Variants in CALN1 observed in about 807,000 individuals in gnomAD.
The protein encoded by CALN1 is calneuron 1, also known as calcium-binding protein 8.
Under a neutral mutation model 30.6 loss-of-function variants are expected in CALN1, and 17 were observed. That is an observed-to-expected ratio of 0.56 (90% CI 0.38 to 0.83). The LOEUF (loss-of-function observed/expected upper bound fraction) is 0.83, where lower values mean the gene tolerates loss of function less well. Among genes scored for constraint, CALN1 ranks in the 40% least tolerant of loss-of-function variants. The probability of loss-of-function intolerance (pLI) is 0.00; values close to 1 mark genes in which losing one functional copy is unlikely to be tolerated. For missense variants in CALN1, 291 were observed against 354.9 expected, an observed-to-expected ratio of 0.82 and a Z score of 1.45; for synonymous variants, 156 against 131.4, an observed-to-expected ratio of 1.19 and a Z score of -1.28.
chr7:72,472,531 T>C, the CALN1 span, among the ~76,000 whole-genome samples: 15 of 152,122 alleles, frequency 9.9e-5, no homozygotes, highest in Admixed American at 1.3e-4. Flanking sequence ...ACACCTGTAG[T>C]CCCAGCACTT....
intron 5 of CALN1, among the ~76,000 whole-genome samples, chr7:71,921,172 G>A (rs1454535644): frequency 6.6e-6 from 1 of 152,076 alleles, no homozygotes; most frequent in Non-Finnish European, 1.5e-5. Context: ...TATGGACAGA[G>A]GGAGAGATAC....
At chr7:72,293,684 C>T (rs1171387032) in intron 2 of CALN1, among the ~76,000 whole-genome samples, 1 of 152,118 alleles carries the variant, frequency 6.6e-6, no homozygotes. Flanking sequence ...TTCTGCATTT[C>T]TATGTTGATA....
At chr7:72,347,680 A>T (rs989022026) in intron 2 of CALN1, among the ~76,000 whole-genome samples, 2 of 152,208 alleles carry the variant, frequency 1.3e-5, no homozygotes, top group Non-Finnish European at 2.9e-5. Flanking sequence ...AGCTAGTACA[A>T]CTTACAATCA....
intron 2 of CALN1, among the ~76,000 whole-genome samples, chr7:72,388,804 T>A (rs1313807449): frequency 6.6e-6 from 1 of 152,144 alleles, no homozygotes; most frequent in Non-Finnish European, 1.5e-5. Context: ...TGTCACCCGG[T>A]CGCAGGTGTG....
At chr7:72,040,323 T>C (rs905651889) in intron 4 of CALN1, among the ~76,000 whole-genome samples, 4 of 141,798 alleles carry the variant, frequency 2.8e-5, no homozygotes, top group East Asian at 4.2e-4. Context: ...AAAATTACAA[T>C]AAAAAAAAAA....
rs181223614 is a variant in CALN1, at chr7:71,815,253, C to A, written c.502-4761G>T. On this transcript the variant is annotated intron_variant, in intron 5 of 6. Coordinates refer to ENST00000395275, the MANE Select transcript of CALN1 (RefSeq NM_031468.4). ...ATTTTTGACTGCACGTGGGTCAGTGCCCCTCATCTTTGCTTTGCCTAAGGG... is the reference window on the plus strand; with the variant it reads ...ATTTTTGACTGCACGTGGGTCAGTGACCCTCATCTTTGCTTTGCCTAAGGG... Among the ~76,000 whole-genome samples, 551 of 152,218 alleles carry A rather than the reference C, an allele frequency of 3.6e-3. 4 individuals carry two copies. Among genetic ancestry groups the A allele is most frequent in the African/African-American group, 0.012 (512 of 41,546 alleles).
At chr7:72,337,283 G>A in intron 2 of CALN1, 1 of 985,258 alleles carries the variant, frequency 1.0e-6, no homozygotes, top group Non-Finnish European at 1.2e-6. Flanking sequence ...TTCTGGGCTC[G>A]CCTTGGCCGC....
the CALN1 span, among the ~76,000 whole-genome samples, chr7:72,466,895 AAG>A: frequency 6.6e-6 from 1 of 151,790 alleles, no homozygotes; most frequent in Non-Finnish European, 1.5e-5. Context: ...AGAAAAGAAA[AAG>A]AAAGAGAAAG....
chr7:72,277,507 T>C (rs1797413912), intron 3 of CALN1, among the ~76,000 whole-genome samples: 1 of 152,106 alleles, frequency 6.6e-6, no homozygotes. Flanking sequence ...CCCCAATCAC[T>C]CCACTTCTTC....
chr7:72,286,723 A>C (rs957664711), intron 2 of CALN1, among the ~76,000 whole-genome samples: 1 of 152,208 alleles, frequency 6.6e-6, no homozygotes, highest in African/African-American at 2.4e-5. Context: ...GACAGATCTC[A>C]AATCAGACAA....
chr7:72,358,689 A>C (rs1803383883), intron 2 of CALN1, among the ~76,000 whole-genome samples: 1 of 152,110 alleles, frequency 6.6e-6, no homozygotes, highest in Non-Finnish European at 1.5e-5. Context: ...GGTGGCTCAC[A>C]CCTGTAATTC....
chr7:72,041,526 G>A (rs1802126804), intron 4 of CALN1, among the ~76,000 whole-genome samples: 1 of 152,064 alleles, frequency 6.6e-6, no homozygotes, highest in Non-Finnish European at 1.5e-5. Context: ...TGGGATAACA[G>A]GTGCACACCA....
chr7:72,080,598 A>G (rs922106178), intron 4 of CALN1, among the ~76,000 whole-genome samples: 2 of 152,180 alleles, frequency 1.3e-5, no homozygotes, highest in African/African-American at 2.4e-5. Context: ...TCCCTAGTGT[A>G]CTGTGCCCTG....
chr7:72,309,371 G>T lies in CALN1; in HGVS notation c.120-30561C>A, dbSNP rs139440483. ...TGCAAATAAATCCACTGGCACCCAA[G>T]AAGGGACTCAAAAGGGTCCCAAGGA... On this transcript the variant is annotated intron_variant, in intron 2 of 6. Coordinates refer to ENST00000395275, the MANE Select transcript of CALN1 (RefSeq NM_031468.4). 2.4e-4 allele frequency among the ~76,000 whole-genome samples: 37 copies of T among 152,218 alleles called. No homozygotes were observed. The East Asian group carries it at 6.8e-3, about 28-fold the overall frequency.
chr7:72,104,225 T>C (rs1806913189), intron 4 of CALN1: 1 of 152,556 alleles, frequency 6.6e-6, no homozygotes, highest in Admixed American at 6.6e-5. Flanking sequence ...AGCCCTCTGG[T>C]CTTGGGTTAG....
At chr7:72,320,770 GGT>G (rs1476939843) in intron 2 of CALN1, among the ~76,000 whole-genome samples, 3 of 147,728 alleles carry the variant, frequency 2.0e-5, no homozygotes. Flanking sequence ...GGGAGGCGGA[GGT>G]TGCAGTGAGC....
chr7:72,307,496 G>A (rs937770579), intron 2 of CALN1, among the ~76,000 whole-genome samples: 2 of 152,178 alleles, frequency 1.3e-5, no homozygotes, highest in Admixed American at 6.5e-5. Context: ...GGCATTTAAC[G>A]CATCTAATGG....
chr7:72,114,213 A>G (rs562909378), intron 3 of CALN1, among the ~76,000 whole-genome samples: 1 of 142,384 alleles, frequency 7.0e-6, no homozygotes, highest in African/African-American at 2.6e-5. Context: ...AAACCCAAGA[A>G]AGAAGTAAAG....
At chr7:72,404,630 T>C (rs992030954) in intron 1 of CALN1, among the ~76,000 whole-genome samples, 1 of 152,174 alleles carries the variant, frequency 6.6e-6, no homozygotes, top group African/African-American at 2.4e-5. Flanking sequence ...ACTTGGCCCC[T>C]GAACATTGTA....
Sources: gnomAD v4.1 joint callset for allele counts (sites outside exome capture counted in the v4.1 genomes callset) on GRCh38, gnomAD v4.1.1 for gene constraint, MANE v1.5 for transcripts, NCBI Gene and HGNC (gene_info 2026-07-23, HGNC 2026-07-21) for gene names.